The following WWOX variants were observed in gnomAD, a reference collection of about 807,000 sequenced individuals.
The protein encoded by WWOX is WW domain-containing oxidoreductase.
WWOX carries 69 observed loss-of-function variants against 46.2 expected under a neutral mutation model. The ratio of observed to expected loss-of-function variants is 1.49; its 90% CI spans 1.23 to 1.82. The LOEUF is 1.82. Among genes scored for constraint, WWOX ranks in the 40% most tolerant of loss-of-function variants. The probability of loss-of-function intolerance (pLI) is 0.00; values close to 1 mark genes in which losing one functional copy is unlikely to be tolerated. For synonymous variants in WWOX, 359 were observed against 202.6 expected (o/e 1.77, Z -6.56); for missense variants, 919 against 542.6 (o/e 1.69, Z -6.89).
In WWOX at chr16:78,421,634, A is replaced by T. The variant is rs147235382; in HGVS notation, c.606-3236A>T. On this transcript the variant is annotated intron_variant, in intron 6 of 8. Coordinates refer to ENST00000566780, the MANE Select transcript of WWOX (RefSeq NM_016373.4). ...CCTACCATTCAACCCACTATAAAGCAGTGGCATATGAAAAGGATGGGAGGT... is the reference window on the plus strand; with the variant it reads ...CCTACCATTCAACCCACTATAAAGCTGTGGCATATGAAAAGGATGGGAGGT... Among the ~76,000 whole-genome samples the T allele has an allele frequency of 5.8e-3, 887 of 152,316 alleles. 7 individuals are homozygous for T. Among genetic ancestry groups the T allele is most frequent in the African/African-American group, 0.02 (851 of 41,564 alleles).
At chr16:78,946,248 CA>C (rs753652705) in intron 8 of WWOX, among the ~76,000 whole-genome samples, 9 of 152,108 alleles carry the variant, frequency 5.9e-5, no homozygotes, top group African/African-American at 7.2e-5. Flanking sequence ...TGGAGTACAG[CA>C]GTGCAATCTC....
intron 8 of WWOX, among the ~76,000 whole-genome samples, chr16:78,716,919 A>G (rs2048577001): frequency 1.3e-5 from 2 of 152,140 alleles, no homozygotes; most frequent in African/African-American, 4.8e-5. Context: ...TTTCAGTTTC[A>G]AAAGGGCATA....
chr16:79,051,620 G>C (rs2048168867), intron 8 of WWOX, among the ~76,000 whole-genome samples: 1 of 152,190 alleles, frequency 6.6e-6, no homozygotes, highest in Non-Finnish European at 1.5e-5. Flanking sequence ...GGCAGTCGCT[G>C]CCTCAAATTT....
chr16:78,432,401 C>T (rs537865623), intron 7 of WWOX, 87 bp from the exon 8 acceptor site: 1 of 1,559,080 alleles, frequency 6.4e-7, no homozygotes, highest in Non-Finnish European at 8.7e-7. Flanking sequence ...CCACTGCACC[C>T]AGCATTCCTT....
chr16:79,062,421 C>T (rs574183448), intron 8 of WWOX, among the ~76,000 whole-genome samples: 13 of 152,172 alleles, frequency 8.5e-5, no homozygotes, highest in African/African-American at 3.1e-4. Context: ...AGACTGTTTG[C>T]CAGGGAACCA....
intron 8 of WWOX, among the ~76,000 whole-genome samples, chr16:78,812,045 C>T (rs1005111236): frequency 6.6e-6 from 1 of 152,012 alleles, no homozygotes; most frequent in Non-Finnish European, 1.5e-5. Context: ...ATTGTTTACC[C>T]TCTCACACAG....
intron 8 of WWOX, among the ~76,000 whole-genome samples, chr16:79,081,016 C>T (rs771507733): frequency 2.6e-5 from 4 of 152,096 alleles, no homozygotes; most frequent in Non-Finnish European, 5.9e-5. Context: ...GCACACCCAC[C>T]AGGCTCTTCT....
chr16:78,384,538 C>G (rs760378088), intron 5 of WWOX, among the ~76,000 whole-genome samples: 3 of 152,138 alleles, frequency 2.0e-5, no homozygotes, highest in Non-Finnish European at 4.4e-5. Flanking sequence ...CACCACATGC[C>G]TTCAATATTC....
chr16:78,812,770 C>T (rs796646182), intron 8 of WWOX, among the ~76,000 whole-genome samples: 1 of 152,052 alleles, frequency 6.6e-6, no homozygotes, highest in Admixed American at 6.6e-5. Context: ...TTGACTAATG[C>T]AGAATCAGCA....
intron 8 of WWOX, among the ~76,000 whole-genome samples, chr16:78,811,505 T>C (rs1429860298): frequency 1.3e-5 from 2 of 151,988 alleles, no homozygotes. Context: ...CTTTCTTTTC[T>C]TTCTTTTTCC....
chr16:78,427,217 G>C (rs1303202535), intron 7 of WWOX, among the ~76,000 whole-genome samples: 2 of 152,072 alleles, frequency 1.3e-5, no homozygotes, highest in Non-Finnish European at 2.9e-5. Flanking sequence ...CCCCCTGTTA[G>C]GGGAAAAAAG....
intron 8 of WWOX, among the ~76,000 whole-genome samples, chr16:78,777,559 A>G (rs2050222084): frequency 6.6e-6 from 1 of 152,160 alleles, no homozygotes; most frequent in African/African-American, 2.4e-5. Context: ...GTTTACACTG[A>G]CAGTCCCAGC....
At chr16:78,433,171 T>C (rs978434958) in intron 8 of WWOX, among the ~76,000 whole-genome samples, 7 of 152,226 alleles carry the variant, frequency 4.6e-5, no homozygotes, top group Non-Finnish European at 1.0e-4. Flanking sequence ...ATGTGATTCC[T>C]TTGTTTCACA....
At chr16:79,019,246 A>T (rs1597285226) in intron 8 of WWOX, among the ~76,000 whole-genome samples, 2 of 149,888 alleles carry the variant, frequency 1.3e-5, no homozygotes, top group East Asian at 2.0e-4. Context: ...TGGGGATGCA[A>T]TTCTGAGAAA....
intron 5 of WWOX, chr16:78,278,780 G>T: frequency 2.3e-6 from 2 of 875,362 alleles, no homozygotes; most frequent in Non-Finnish European, 1.8e-6. Context: ...TGTACGATTT[G>T]CAACAACATC....
At chr16:78,345,952 A>G (rs572959503) in intron 5 of WWOX, among the ~76,000 whole-genome samples, 2 of 109,496 alleles carry the variant, frequency 1.8e-5, no homozygotes, top group East Asian at 1.9e-4. Context: ...CATGAAACCA[A>G]CACGAAAATA....
At chr16:78,148,183 GC>G (rs1249700720) in intron 4 of WWOX, among the ~76,000 whole-genome samples, 12 of 152,120 alleles carry the variant, frequency 7.9e-5, no homozygotes, top group Non-Finnish European at 1.6e-4. Context: ...AATAAAAAAG[GC>G]CAAACTTCAG....
chr16:78,906,165 C>T (rs922034120), intron 8 of WWOX, among the ~76,000 whole-genome samples: 21 of 152,138 alleles, frequency 1.4e-4, no homozygotes, highest in Admixed American at 1.3e-3. Flanking sequence ...AAACCTCAGC[C>T]ATCTAGGGAC....
chr16:79,097,336 C>G (rs538803310), intron 8 of WWOX, among the ~76,000 whole-genome samples: 1 of 150,476 alleles, frequency 6.6e-6, no homozygotes, highest in Non-Finnish European at 1.5e-5. Flanking sequence ...ATATTTGTAT[C>G]TGGCTCCAAA....
Sources: gnomAD v4.1 joint callset for allele counts (sites outside exome capture counted in the v4.1 genomes callset) on GRCh38, gnomAD v4.1.1 for gene constraint, MANE v1.5 for transcripts, NCBI Gene and HGNC (gene_info 2026-07-23, HGNC 2026-07-21) for gene names.